Variants in MYH9 observed in about 807,000 individuals in gnomAD.
MYH9 encodes the protein myosin heavy chain 9.
In MYH9, 29 loss-of-function variants were observed where a neutral mutation model predicts 241.9. The observed-to-expected ratio is 0.12, with a 90% CI of 0.09 to 0.16. The LOEUF (loss-of-function observed/expected upper bound fraction) is 0.16, where lower values mean the gene tolerates loss of function less well. Among genes scored for constraint, MYH9 ranks in the 10% least tolerant of loss-of-function variants. MYH9 has a pLI of 1.00. For synonymous variants in MYH9, 1,047 were observed against 1,062.6 expected, an observed-to-expected ratio of 0.99 and a Z score of 0.29; for missense variants, 1,803 against 2,595.5, an observed-to-expected ratio of 0.69 and a Z score of 6.63.
In MYH9 at chr22:36,299,369, C is replaced by T. The variant is rs138088286; in HGVS notation, c.2977-327G>A. Among the ~76,000 whole-genome samples, 630 of 152,330 alleles carry T rather than the reference C, an allele frequency of 4.1e-3. 2 individuals are homozygous for T. The highest frequency in any genetic ancestry group is 0.014 in the African/African-American group (594 of 41,578). The stretch of plus-strand genomic sequence containing the variant: ...TCCACTCCTTCAAGAGGCTGCCACA[C>T]GGCGCTCACCTGCGCCACCAGGCCA... On this transcript the variant is annotated intron_variant, in intron 23 of 40. Coordinates refer to ENST00000216181, the MANE Select transcript of MYH9 (RefSeq NM_002473.6).
chr22:36,309,515 G>A, intron 14 of MYH9, 119 bp from the exon 15 acceptor site: 1 of 748,702 alleles, frequency 1.3e-6, no homozygotes. Flanking sequence ...AAGACCCTTT[G>A]ATCCAGCATT....
Position 36,289,235 on chromosome 22 carries a change from C to A in MYH9, c.4407G>T (p.Ala1469=), listed in dbSNP as rs56258227. 1 of 1,612,976 alleles carries A rather than the reference C, an allele frequency of 6.2e-7. No individual in the cohort carries two copies. Among genetic ancestry groups the A allele is most frequent in the Non-Finnish European group, 8.5e-7 (1 of 1,180,016 alleles). ...CCTTGGTCTCCTTCTCTCGGGCCTC[C>A]GCCTCAGCCCGGTCGCGCTCCTCTG... ...KYAEERDRAE[A]EAREKETKAL... The change falls in exon 32 of 41, where the codon GCG becomes GCT. Residue 1469 remains alanine, a synonymous_variant. Coordinates refer to ENST00000216181, the MANE Select transcript of MYH9 (RefSeq NM_002473.6).
At chr22:36,309,226 G>A in intron 15 of MYH9, 56 bp downstream of exon 15, 2 of 1,453,322 alleles carry the variant, frequency 1.4e-6, no homozygotes, top group South Asian at 2.3e-5. Flanking sequence ...TGTGGAGGTG[G>A]GAAGATGACC....
At chr22:36,345,126 C>T (rs899767558) in intron 2 of MYH9, among the ~76,000 whole-genome samples, 13 of 152,034 alleles carry the variant, frequency 8.6e-5, no homozygotes, top group Admixed American at 2.0e-4. Flanking sequence ...TCCTGGCTAA[C>T]ACGGTGAAAC....
In MYH9 at chr22:36,293,415, C is replaced by T. The variant is rs1038334022; in HGVS notation, c.4009G>A (p.Glu1337Lys). ...AGCTGCTCCCGGAAGGAATTCTTCT[C>T]GTCCTCCACCTGCTTGAGCTTGGTG... The part of the protein sequence containing the change: ...LSTKLKQVED[E>K]KNSFREQLEE... The change falls in exon 30 of 41, where the codon GAG becomes AAG. Residue 1337 changes from glutamate to lysine, a missense_variant. By Grantham distance (56) the Glu-to-Lys change is moderately conservative. Around this residue, in one of 11 missense-constraint regions of MYH9, gnomAD observed 876 missense variants for 1,077.8 expected, o/e 0.81. Transcript: ENST00000216181. This position sits in a 1 kb window ranked among gnomAD's most constrained non-coding sequence, Gnocchi z 5.1. 8.7e-6 allele frequency: 14 copies of T among 1,613,998 alleles called. No homozygotes were observed. The highest frequency in any genetic ancestry group is 1.6e-4 in the Middle Eastern group (1 of 6,062).
chr22:36,338,745 AG>A (rs2017537459), intron 3 of MYH9, among the ~76,000 whole-genome samples: 1 of 151,656 alleles, frequency 6.6e-6, no homozygotes, highest in African/African-American at 2.4e-5. Flanking sequence ...GCTTGAACCC[AG>A]GAGGCGGAGC....
chr22:36,286,629 A>T lies in MYH9; in HGVS notation c.5061+89T>A, dbSNP rs1202959488. 18 of 1,559,144 alleles carry T rather than the reference A, an allele frequency of 1.2e-5. No individual in the cohort carries two copies. The East Asian group carries it at 3.8e-4, about 33-fold the overall frequency. On this transcript the variant is annotated intron_variant, in intron 35 of 40. Transcript: ENST00000216181. ...CAGCCAATTCCTGGAGCCCAGTAGG[A>T]CTCCAGCCCTGTCCTCAGCTGAAAG...
At chr22:36,371,593 T>TG (rs2146416953) in intron 1 of MYH9, among the ~76,000 whole-genome samples, 1 of 152,296 alleles carries the variant, frequency 6.6e-6, no homozygotes, top group East Asian at 1.9e-4. Context: ...TGGAGTGCAA[T>TG]GGCGCCATCT....
intron 1 of MYH9, among the ~76,000 whole-genome samples, chr22:36,371,451 A>G (rs996792693): frequency 1.3e-5 from 2 of 152,232 alleles, no homozygotes; most frequent in Non-Finnish European, 2.9e-5. Flanking sequence ...TTGCATTTCC[A>G]GCCTCCAGAA....
Position 36,348,940 on chromosome 22 carries a change from G to T in MYH9, c.297C>A (p.His99Gln). 1 of 1,613,452 alleles carries T rather than the reference G, an allele frequency of 6.2e-7. No homozygotes were observed. The change falls in exon 2 of 41, where the codon CAC becomes CAA. Residue 99 changes from histidine to glutamine, a missense_variant. Physicochemically the swap from His to Gln is conservative, Grantham distance 24 (BLOSUM62 0). This residue lies in a region of MYH9 where 72 missense variants were observed against 134.3 expected (regional missense o/e 0.54). Coordinates refer to ENST00000216181, the MANE Select transcript of MYH9 (RefSeq NM_002473.6). The part of the protein sequence containing the change: ...LTCLNEASVL[H>Q]NLKERYYSGL... ...CTGAGTAGTAACGCTCCTTGAGGTT[G>T]TGCAGCACCGAGGCTTCGTTGAGGC... is the stretch of plus-strand genomic sequence containing the variant.
At chr22:36,367,188 C>T (rs1050797232) in intron 1 of MYH9, among the ~76,000 whole-genome samples, 5 of 152,138 alleles carry the variant, frequency 3.3e-5, no homozygotes, top group Admixed American at 1.3e-4. Flanking sequence ...TCTCTTCCTT[C>T]GTCACCCTCC....
intron 1 of MYH9, among the ~76,000 whole-genome samples, chr22:36,360,439 C>T (rs1376404568): frequency 6.6e-6 from 1 of 152,004 alleles, no homozygotes; most frequent in Non-Finnish European, 1.5e-5. Context: ...TTAGGCCGGG[C>T]ACAGTGGCTC....
chr22:36,307,355 G>A (rs182201581), intron 15 of MYH9, among the ~76,000 whole-genome samples: 1 of 152,044 alleles, frequency 6.6e-6, no homozygotes, highest in Admixed American at 6.6e-5. Context: ...CATCCTCCAA[G>A]GTAAAAAACA....
At chr22:36,366,171 G>C (rs1350019605) in intron 1 of MYH9, among the ~76,000 whole-genome samples, 1 of 152,102 alleles carries the variant, frequency 6.6e-6, no homozygotes, top group Non-Finnish European at 1.5e-5. Flanking sequence ...CTGGGTGACA[G>C]AGCGAGACTC....
rs566790184 is a variant in MYH9 at position 36,288,756 on chromosome 22, C to T, written c.4741G>A (p.Glu1581Lys). The change falls in exon 33 of 41, where the codon GAG becomes AAG. Residue 1581 changes from glutamate to lysine, a missense_variant. By Grantham distance (56) the Glu-to-Lys change is moderately conservative. Transcript: ENST00000216181. The surrounding 1 kb of genome is among the most constrained non-coding windows in gnomAD (Gnocchi z 4.8). ...CTGACCAGCTGCTTCTTCTTCTCCT[C>T]GCTCTGCTCGTCCCGGCCCTGCAGG... ...RDLQGRDEQS[E>K]EKKKQLVRQV... The T allele has an allele frequency of 7.5e-6, 12 of 1,607,164 alleles. No homozygotes were observed. In the Admixed American group the frequency reaches 1.0e-4, roughly 13 times the overall value.
chr22:36,386,922 G>T (rs907981716), intron 1 of MYH9, among the ~76,000 whole-genome samples: 68 of 152,366 alleles, frequency 4.5e-4, no homozygotes, highest in Middle Eastern at 3.4e-3. Flanking sequence ...AGATGCAATC[G>T]CCCAGGCCTG....
At position 36,293,874 on chromosome 22, in the gene MYH9, C is replaced by T. The variant is rs754547754; in HGVS notation, c.3838-11G>A. The T allele has an allele frequency of 1.6e-5, 26 of 1,609,700 alleles. No individual in the cohort carries two copies. Among genetic ancestry groups the T allele is most frequent in the East Asian group, 2.2e-5 (1 of 44,704 alleles). The stretch of plus-strand genomic sequence containing the variant: ...GTTGTCCAGCTCCACCTGCACCGGG[C>T]GGGGAGACACAAAGGACCATGGACC... On this transcript the variant is annotated splice_polypyrimidine_tract_variant and intron_variant, in intron 28 of 40. Transcript: ENST00000216181. The surrounding 1 kb of genome is among the most constrained non-coding windows in gnomAD (Gnocchi z 5.1).
rs553977010 is a variant in MYH9, at chr22:36,341,667, C to T, written c.334-141G>A. 130 of 912,572 alleles carry T rather than the reference C, an allele frequency of 1.4e-4. No individual in the cohort carries two copies. In the East Asian group the frequency reaches 1.4e-3, roughly 10 times the overall value. The allele number at this position is 912,572 out of a possible 1,614,324, so 56.5% of individuals were successfully genotyped here. On this transcript the variant is annotated intron_variant, in intron 2 of 40. Transcript: ENST00000216181. ...AGGCACTCCCTGATGGCCCTTGCTC[C>T]CAGTGGCCCAGCTCCCGCAGCCCTG...
chr22:36,295,825 G>C lies in MYH9; in HGVS notation c.3273-108C>G, dbSNP rs1024280230. 8 of 1,028,716 alleles carry C rather than the reference G, an allele frequency of 7.8e-6. No individual in the cohort carries two copies. Among genetic ancestry groups the C allele is most frequent in the Non-Finnish European group, 1.0e-5 (7 of 682,852 alleles). 63.7% of individuals were successfully genotyped at this position (1,028,716 alleles called of 1,614,324 possible). A position where few individuals can be genotyped will look rare whatever the true frequency, so the allele number is the denominator to read the frequency against. ...GCAGCAGCCAAAGCTGCCTCCTGTG[G>C]TCACAATCATGGCACTTAGGATGGC... On this transcript the variant is annotated intron_variant, in intron 25 of 40. Transcript: ENST00000216181. This position sits in a 1 kb window ranked among gnomAD's most constrained non-coding sequence, Gnocchi z 4.1.
Sources: allele counts gnomAD v4.1 joint callset (sites outside exome capture counted in the v4.1 genomes callset), GRCh38; gene constraint gnomAD v4.1.1; regional missense constraint gnomAD v4.1.1; non-coding constraint Gnocchi (gnomAD v3.1); transcripts MANE v1.5; gene names NCBI Gene and HGNC (gene_info 2026-07-23, HGNC 2026-07-21).